PPP1R9A: variants seen among roughly 807,000 people sequenced by gnomAD.
PPP1R9A encodes protein phosphatase 1 regulatory subunit 9A.
PPP1R9A carries 59 observed loss-of-function variants against 141.9 expected under a neutral mutation model. The observed-to-expected ratio is 0.42, with a 90% CI of 0.34 to 0.52. The LOEUF (loss-of-function observed/expected upper bound fraction) is 0.52. Ranked by LOEUF, PPP1R9A falls within the 20% of genes least tolerant of loss-of-function variation. PPP1R9A has a pLI of 0.10. For synonymous variants in PPP1R9A, 500 were observed against 569.7 expected (o/e 0.88, Z 1.74); for missense variants, 1,444 against 1,611.9 (o/e 0.90, Z 1.78).
At position 94,910,918 on chromosome 7, in the gene PPP1R9A, G is replaced by C; in HGVS notation, c.805G>C (p.Glu269Gln). Residue 269 changes from glutamate to glutamine, a missense_variant, in exon 2 of 20, where the codon GAG becomes CAG. Physicochemically the swap from Glu to Gln is conservative, Grantham distance 29 (BLOSUM62 2). Around this residue, in one of 5 missense-constraint regions of PPP1R9A, gnomAD observed 490 missense variants for 521.1 expected, o/e 0.94. Transcript: ENST00000433360. This position sits in a 1 kb window ranked among gnomAD's most constrained non-coding sequence, Gnocchi z 4.5. ...TTCAAACAAGCGAGGTGTTGATACA[G>C]AGGATGCTCACAAGAGTAATGCAAC... is the stretch of plus-strand genomic sequence containing the variant. Reference protein sequence around the residue: ...PPSNKRGVDTEDAHKSNATPV... With the variant: ...PPSNKRGVDTQDAHKSNATPV... 2 of 1,614,086 alleles carry C rather than the reference G, an allele frequency of 1.2e-6. No homozygotes were observed. The highest frequency in any genetic ancestry group is 1.7e-6 in the Non-Finnish European group (2 of 1,180,016).
intron 7 of PPP1R9A, among the ~76,000 whole-genome samples, chr7:95,208,256 G>GA (rs1466222644): frequency 6.6e-6 from 1 of 152,172 alleles, no homozygotes; most frequent in Non-Finnish European, 1.5e-5. Context: ...TTACACTCTA[G>GA]AAGAGTTGAG....
chr7:95,254,954 C>A (rs1039380148), intron 12 of PPP1R9A, among the ~76,000 whole-genome samples: 3 of 152,106 alleles, frequency 2.0e-5, no homozygotes, highest in Admixed American at 1.3e-4. Context: ...ATCATCAGTA[C>A]AAATTTGTTA....
intron 2 of PPP1R9A, among the ~76,000 whole-genome samples, chr7:94,981,208 T>G (rs1048475413): frequency 1.3e-5 from 2 of 152,134 alleles, no homozygotes; most frequent in Non-Finnish European, 2.9e-5. Context: ...CCCATAAACC[T>G]TCTTAGGCAG....
At chr7:95,032,984 C>T (rs1807891372) in intron 2 of PPP1R9A, among the ~76,000 whole-genome samples, 1 of 151,248 alleles carries the variant, frequency 6.6e-6, no homozygotes, top group Non-Finnish European at 1.5e-5. Context: ...AGTAGTATAC[C>T]TTACTCTTTA....
chr7:95,118,892 G>A (rs1282109100), intron 3 of PPP1R9A, among the ~76,000 whole-genome samples: 1 of 151,320 alleles, frequency 6.6e-6, no homozygotes, highest in Non-Finnish European at 1.5e-5. Context: ...TGAGGTGGGA[G>A]GATCACCAGA....
intron 7 of PPP1R9A, among the ~76,000 whole-genome samples, chr7:95,209,610 A>G (rs186323636): frequency 6.6e-6 from 1 of 152,340 alleles, no homozygotes; most frequent in African/African-American, 2.4e-5. Context: ...AGATTGTAAG[A>G]TTGAGACTAT....
intron 2 of PPP1R9A, among the ~76,000 whole-genome samples, chr7:94,944,484 T>C (rs1795686874): frequency 8.3e-6 from 1 of 120,602 alleles, no homozygotes; most frequent in Non-Finnish European, 1.6e-5. Context: ...GTCATTACTA[T>C]CTATGCCTGG....
chr7:94,968,246 C>T (rs1798439458), intron 2 of PPP1R9A, among the ~76,000 whole-genome samples: 1 of 151,782 alleles, frequency 6.6e-6, no homozygotes, highest in Non-Finnish European at 1.5e-5. Flanking sequence ...GATCTCGGCT[C>T]ACTGCAAGCT....
At chr7:95,133,175 G>A (rs1232063800) in intron 4 of PPP1R9A, among the ~76,000 whole-genome samples, 1 of 152,160 alleles carries the variant, frequency 6.6e-6, no homozygotes, top group Non-Finnish European at 1.5e-5. Context: ...GAAAGTGCAT[G>A]CTGATTGGTC....
intron 2 of PPP1R9A, among the ~76,000 whole-genome samples, chr7:94,928,170 G>A (rs932565544): frequency 1.3e-5 from 2 of 152,118 alleles, no homozygotes; most frequent in East Asian, 3.8e-4. Context: ...GTAGAGAAGT[G>A]AAAAATCCTA....
chr7:95,249,211 A>C (rs1019663157), intron 9 of PPP1R9A, among the ~76,000 whole-genome samples: 1 of 152,168 alleles, frequency 6.6e-6, no homozygotes, highest in Non-Finnish European at 1.5e-5. Flanking sequence ...AACCAAGCAA[A>C]AATTTATACT....
intron 10 of PPP1R9A, among the ~76,000 whole-genome samples, chr7:95,251,326 C>A (rs1798843541): frequency 6.6e-6 from 1 of 152,128 alleles, no homozygotes; most frequent in Non-Finnish European, 1.5e-5. Context: ...CACCCAGCCC[C>A]CTCTTCACTG....
intron 4 of PPP1R9A, among the ~76,000 whole-genome samples, chr7:95,159,692 G>A (rs1404654375): frequency 1.3e-5 from 2 of 152,022 alleles, no homozygotes; most frequent in African/African-American, 4.8e-5. Flanking sequence ...GGGAGGCCGA[G>A]GCGGGAAGAT....
intron 7 of PPP1R9A, 82 bp from the exon 8 acceptor site, chr7:95,225,879 T>C (rs534745601): frequency 8.2e-5 from 119 of 1,446,012 alleles, no homozygotes; most frequent in Admixed American, 2.7e-4. Context: ...ATGTCTTACT[T>C]GTCTTTTATA....
chr7:95,244,691 G>A (rs922980590), intron 8 of PPP1R9A, among the ~76,000 whole-genome samples: 1 of 152,142 alleles, frequency 6.6e-6, no homozygotes, highest in East Asian at 1.9e-4. Flanking sequence ...TGAATCAGAG[G>A]TGTTCATTTT....
intron 2 of PPP1R9A, among the ~76,000 whole-genome samples, chr7:95,023,388 GC>G (rs1331326097): frequency 6.6e-6 from 1 of 151,738 alleles, no homozygotes; most frequent in Non-Finnish European, 1.5e-5. Flanking sequence ...TATTAGTCTG[GC>G]TAGCGGTCTA....
chr7:95,157,715 A>T (rs1829859528), intron 4 of PPP1R9A, among the ~76,000 whole-genome samples: 1 of 152,380 alleles, frequency 6.6e-6, no homozygotes, highest in East Asian at 1.9e-4. Context: ...CTGTTAATGC[A>T]TTCATATGAC....
chr7:95,022,883 G>A (rs951814370), intron 2 of PPP1R9A, among the ~76,000 whole-genome samples: 1 of 152,170 alleles, frequency 6.6e-6, no homozygotes, highest in African/African-American at 2.4e-5. Flanking sequence ...TGGTTTGCCA[G>A]TATTTTATTG....
chr7:95,230,252 G>A (rs894368659), intron 8 of PPP1R9A, among the ~76,000 whole-genome samples: 7 of 151,948 alleles, frequency 4.6e-5, no homozygotes, highest in Admixed American at 2.0e-4. Context: ...GACAAAACAA[G>A]GTTCTTTAAC....
Sources: allele counts gnomAD v4.1 joint callset (sites outside exome capture counted in the v4.1 genomes callset), GRCh38; gene constraint gnomAD v4.1.1; regional missense constraint gnomAD v4.1.1; non-coding constraint Gnocchi (gnomAD v3.1); transcripts MANE v1.5; gene names NCBI Gene and HGNC (gene_info 2026-07-23, HGNC 2026-07-21).